The following BMPR1A variants were observed in gnomAD, a reference collection of about 807,000 sequenced individuals.
BMPR1A encodes bone morphogenetic protein receptor type 1A.
BMPR1A carries 7 observed loss-of-function variants against 66.0 expected under a neutral mutation model. The observed-to-expected ratio is 0.11, with a 90% CI of 0.06 to 0.20. The LOEUF is 0.20. Ranked by LOEUF, BMPR1A falls within the 10% of genes least tolerant of loss-of-function variation. The pLI, the probability that BMPR1A is intolerant of heterozygous loss-of-function variation, is 1.00. For missense variants in BMPR1A, 408 were observed against 669.1 expected (o/e 0.61, Z 4.31); for synonymous variants, 200 against 229.7 (o/e 0.87, Z 1.17).
At chr10:86,821,841 C>T (rs1260233302) in intron 1 of BMPR1A, among the ~76,000 whole-genome samples, 1 of 151,900 alleles carries the variant, frequency 6.6e-6, no homozygotes, top group Non-Finnish European at 1.5e-5. Context: ...GTTCTTGGCT[C>T]TGTGCAGGCT....
chr10:86,835,722 G>A (rs1047628712), intron 1 of BMPR1A, among the ~76,000 whole-genome samples: 4 of 152,046 alleles, frequency 2.6e-5, no homozygotes, highest in African/African-American at 9.7e-5. Flanking sequence ...CATAATCAGT[G>A]CTTGTCCTTG....
Position 86,762,207 on chromosome 10 carries a change from C to A in BMPR1A, c.-268+5288C>A, listed in dbSNP as rs559377572. On this transcript the variant is annotated intron_variant, in intron 1 of 12. Coordinates refer to ENST00000372037, the MANE Select transcript of BMPR1A (RefSeq NM_004329.3). ...ATTAATTGAGGTTGTCTTTTCTGTT[C>A]TTCACTTTTGTGGTCTCATTTCAGG... Among the ~76,000 whole-genome samples the A allele has an allele frequency of 3.9e-5, 6 of 152,300 alleles. No individual in the cohort carries two copies. In the South Asian group the frequency reaches 1.2e-3, roughly 32 times the overall value.
At chr10:86,850,810 C>A (rs1341766258) in intron 2 of BMPR1A, among the ~76,000 whole-genome samples, 1 of 151,980 alleles carries the variant, frequency 6.6e-6, no homozygotes, top group African/African-American at 2.4e-5. Flanking sequence ...CTAAAGTTCT[C>A]CTTTTTGAGG....
At chr10:86,909,313 C>T (rs1388284702) in intron 7 of BMPR1A, among the ~76,000 whole-genome samples, 1 of 152,076 alleles carries the variant, frequency 6.6e-6, no homozygotes, top group Non-Finnish European at 1.5e-5. Flanking sequence ...ATAATGAGGG[C>T]CAGCTGTGGT....
intron 1 of BMPR1A, among the ~76,000 whole-genome samples, chr10:86,759,259 C>T (rs1156240203): frequency 2.0e-5 from 3 of 152,112 alleles, no homozygotes; most frequent in Non-Finnish European, 4.4e-5. Context: ...CCTTCTGTTT[C>T]TTCTTTCCTC....
chr10:86,917,024 C>A, intron 8 of BMPR1A, 110 bp from the exon 9 acceptor site: 1 of 1,163,300 alleles, frequency 8.6e-7, no homozygotes, highest in Non-Finnish European at 1.3e-6. Flanking sequence ...AAGTTTTTAA[C>A]TGGAGTTGGT....
chr10:86,810,093 C>A (rs983735327), intron 1 of BMPR1A, among the ~76,000 whole-genome samples: 18 of 151,960 alleles, frequency 1.2e-4, no homozygotes, highest in Non-Finnish European at 2.5e-4. Flanking sequence ...GTCTCAGCTT[C>A]CCGAGTAGCT....
chr10:86,823,672 A>C (rs1011598610), intron 1 of BMPR1A, among the ~76,000 whole-genome samples: 5 of 152,176 alleles, frequency 3.3e-5, no homozygotes, highest in African/African-American at 9.7e-5. Flanking sequence ...GGGCAGCTGT[A>C]TATTTGTCAT....
At chr10:86,774,082 C>G (rs1841308101) in intron 1 of BMPR1A, among the ~76,000 whole-genome samples, 1 of 152,058 alleles carries the variant, frequency 6.6e-6, no homozygotes, top group African/African-American at 2.4e-5. Context: ...AACTCCTGAC[C>G]TCAGATGATC....
intron 2 of BMPR1A, among the ~76,000 whole-genome samples, chr10:86,858,726 G>A (rs1207213666): frequency 6.6e-6 from 1 of 152,094 alleles, no homozygotes; most frequent in Non-Finnish European, 1.5e-5. Context: ...CCAAGGAGGT[G>A]AAAGATCTCT....
chr10:86,897,406 G>C (rs952822709), intron 5 of BMPR1A, among the ~76,000 whole-genome samples: 8 of 152,196 alleles, frequency 5.3e-5, no homozygotes, highest in Admixed American at 2.0e-4. Context: ...AGACAGACGT[G>C]AGATGAGGCA....
At chr10:86,868,778 G>GTTTTTTTTTTTTTTTTTTTTTTT (rs55872033) in intron 2 of BMPR1A, among the ~76,000 whole-genome samples, 1 of 141,044 alleles carries the variant, frequency 7.1e-6, no homozygotes, top group African/African-American at 2.6e-5. Context: ...CTTTTCCTGT[G>GTTTTTTTTTTTTTTTTTTTTTTT]TTTTTTTTTT....
At chr10:86,853,888 C>T (rs540274538) in intron 2 of BMPR1A, among the ~76,000 whole-genome samples, 7 of 152,246 alleles carry the variant, frequency 4.6e-5, no homozygotes, top group Middle Eastern at 3.4e-3. Context: ...AATGAAGTTT[C>T]GGGCACCATT....
chr10:86,773,597 GAAAAAAAA>G (rs71019429), intron 1 of BMPR1A, among the ~76,000 whole-genome samples: 1 of 99,862 alleles, frequency 1.0e-5, no homozygotes, highest in Admixed American at 1.2e-4. Flanking sequence ...GTCTCAGAAA[GAAAAAAAA>G]AAAAAAAAAA....
At position 86,917,176 on chromosome 10, in the gene BMPR1A, G is replaced by A. The variant is rs1060503405; in HGVS notation, c.718G>A (p.Val240Ile). The change falls in exon 9 of 13, where the codon GTT (valine) becomes ATT (isoleucine). Residue 240 changes from valine (V) to isoleucine (I), a missense_variant. By Grantham distance (29) the Val-to-Ile change is conservative. This residue lies in a region of BMPR1A where 174 missense variants were observed against 265.1 expected (regional missense o/e 0.66). Transcript: ENST00000372037. ...IAKQIQMVRQ[V>I]GKGRYGEVWM... ...CAAACAGATTCAGATGGTCCGGCAA[G>A]TTGGTAAAGGCCGATATGGAGAAGT... 3 of 1,614,102 alleles carry A rather than the reference G, an allele frequency of 1.9e-6. No homozygotes were observed. The highest frequency in any genetic ancestry group is 1.7e-4 in the Middle Eastern group (1 of 6,058).
At chr10:86,826,411 AACAC>A (rs34389289) in intron 1 of BMPR1A, among the ~76,000 whole-genome samples, 41 of 147,090 alleles carry the variant, frequency 2.8e-4, no homozygotes, top group South Asian at 6.6e-4. Context: ...CAATCAAGGA[AACAC>A]ACACACACAC....
chr10:86,871,936 G>C (rs1564709407), intron 2 of BMPR1A, among the ~76,000 whole-genome samples: 1 of 152,284 alleles, frequency 6.6e-6, no homozygotes, highest in East Asian at 1.9e-4. Context: ...TGTATCTCAA[G>C]TGGAGTGGTT....
intron 10 of BMPR1A, among the ~76,000 whole-genome samples, 172 bp from the exon 11 acceptor site, chr10:86,921,348 G>T (rs1391078890): frequency 6.6e-6 from 1 of 152,118 alleles, no homozygotes; most frequent in Non-Finnish European, 1.5e-5. Context: ...CCCTGCTGAG[G>T]ATGTCATGTA....
chr10:86,915,839 ATGT>A (rs1843560886), intron 8 of BMPR1A, among the ~76,000 whole-genome samples: 1 of 152,194 alleles, frequency 6.6e-6, no homozygotes, highest in Non-Finnish European at 1.5e-5. Flanking sequence ...TTGGAGCATA[ATGT>A]TCTTTTTAAT....
Sources: gnomAD v4.1 joint callset for allele counts (sites outside exome capture counted in the v4.1 genomes callset) on GRCh38, gnomAD v4.1.1 for gene constraint, gnomAD v4.1.1 regional missense constraint, MANE v1.5 for transcripts, NCBI Gene and HGNC (gene_info 2026-07-23, HGNC 2026-07-21) for gene names.